Variants in MAP4K5 observed in about 807,000 individuals in gnomAD.
MAP4K5 encodes the protein mitogen-activated protein kinase kinase kinase kinase 5.
MAP4K5 carries 82 observed loss-of-function variants against 135.6 expected under a neutral mutation model. The ratio of observed to expected loss-of-function variants is 0.60; its 90% CI spans 0.51 to 0.73. The LOEUF (loss-of-function observed/expected upper bound fraction) is 0.73. MAP4K5 is among the 30% of genes least tolerant of loss of function. The pLI, the probability that MAP4K5 is intolerant of heterozygous loss-of-function variation, is 0.00. For missense variants in MAP4K5, 907 were observed against 1,010.9 expected (o/e 0.90, Z 1.39); for synonymous variants, 347 against 335.0 (o/e 1.04, Z -0.39).
chr14:50,478,456 T>C (rs1015229666), intron 6 of MAP4K5, among the ~76,000 whole-genome samples: 1 of 152,158 alleles, frequency 6.6e-6, no homozygotes, highest in Admixed American at 6.5e-5. Context: ...CTTTGCATTA[T>C]ATTTGCTCAT....
upstream of MAP4K5, among the ~76,000 whole-genome samples, chr14:50,533,869 A>G (rs2038456960): frequency 6.6e-6 from 1 of 152,234 alleles, no homozygotes; most frequent in Non-Finnish European, 1.5e-5. Flanking sequence ...AGGACAGGGC[A>G]TATATGTATT....
At chr14:50,444,928 T>C in intron 18 of MAP4K5, 113 bp downstream of exon 18, 1 of 1,171,364 alleles carries the variant, frequency 8.5e-7, no homozygotes, top group Non-Finnish European at 1.2e-6. Context: ...AAAAAAGATA[T>C]TTTTTGAAAT....
chr14:50,486,263 CTT>C, intron 3 of MAP4K5, 69 bp from the exon 4 acceptor site: 1 of 596,944 alleles, frequency 1.7e-6, no homozygotes, highest in Non-Finnish European at 2.9e-6. Context: ...GGAAGGAAAA[CTT>C]TACAATAAAT....
intron 5 of MAP4K5, among the ~76,000 whole-genome samples, 155 bp downstream of exon 5, chr14:50,485,423 A>C (rs2037342858): frequency 6.6e-6 from 1 of 152,170 alleles, no homozygotes; most frequent in Admixed American, 6.5e-5. Flanking sequence ...CTAACCAATA[A>C]AAAATAAATA....
At chr14:50,437,407 G>T in intron 26 of MAP4K5, 69 bp downstream of exon 26, 6 of 1,211,738 alleles carry the variant, frequency 5.0e-6, no homozygotes, top group South Asian at 1.4e-5. Context: ...GATTCCATAC[G>T]ACTCTTCAGA....
intron 21 of MAP4K5, among the ~76,000 whole-genome samples, chr14:50,441,528 C>T (rs1011171078): frequency 6.6e-6 from 1 of 151,946 alleles, no homozygotes. Context: ...AAGTTGACAT[C>T]AGAAGTTGAG....
chr14:50,448,244 A>T (rs960536911), intron 15 of MAP4K5, among the ~76,000 whole-genome samples: 12 of 152,138 alleles, frequency 7.9e-5, no homozygotes, highest in African/African-American at 2.7e-4. Flanking sequence ...GGAACTCCTG[A>T]CCTCAGGTGA....
chr14:50,429,553 TGAG>T (rs1362077970), intron 28 of MAP4K5, among the ~76,000 whole-genome samples: 1 of 152,086 alleles, frequency 6.6e-6, no homozygotes, highest in Non-Finnish European at 1.5e-5. Context: ...AGGTAAAATA[TGAG>T]GAGGAAAAGT....
chr14:50,532,247 G>A (rs1299322238), intron 1 of MAP4K5, 89 bp from the exon 2 acceptor site: 12 of 541,098 alleles, frequency 2.2e-5, no homozygotes, highest in Admixed American at 1.1e-4. Flanking sequence ...CTTCCCTTCC[G>A]TCCCGCCAGG....
intron 28 of MAP4K5, among the ~76,000 whole-genome samples, chr14:50,430,861 G>A (rs1264235543): frequency 2.6e-5 from 4 of 152,288 alleles, no homozygotes; most frequent in Middle Eastern, 3.4e-3. Flanking sequence ...TCATGACTGT[G>A]TGAGGGAAAC....
At position 50,476,316 on chromosome 14, in the gene MAP4K5, T is replaced by TTA; in HGVS notation, c.379-11_379-10insTA. 8.9e-7 allele frequency: 1 copy of TTA among 1,120,954 alleles called. No individual in the cohort carries two copies. Among genetic ancestry groups the TTA allele is most frequent in the Non-Finnish European group, 1.2e-6 (1 of 843,234 alleles). The allele number at this position is 1,120,954 out of a possible 1,614,324, so 69.4% of individuals were successfully genotyped here. On this transcript the variant is annotated splice_polypyrimidine_tract_variant and intron_variant, in intron 6 of 32. Transcript: ENST00000682126. The stretch of plus-strand genomic sequence containing the variant: ...GCAAATAGGCAAGACCCTAAAAGTT[T>TTA]AAAAAAAAAAAAAAAGAATGTATCA...
chr14:50,532,168 G>C lies in MAP4K5; in HGVS notation c.-109-10C>G. 1 of 668,680 alleles carries C rather than the reference G, an allele frequency of 1.5e-6. No individual in the cohort carries two copies. Among genetic ancestry groups the C allele is most frequent in the Non-Finnish European group, 2.5e-6 (1 of 394,604 alleles). 41.4% of individuals were successfully genotyped at this position (668,680 alleles called of 1,614,324 possible). Reference sequence around the variant, plus strand: ...CCGCCCGCAGCTCCGTCTGCACGAGGGACGAGCAAAGGCTGGTTGGCGTCG... The same window carrying C: ...CCGCCCGCAGCTCCGTCTGCACGAGCGACGAGCAAAGGCTGGTTGGCGTCG... On this transcript the variant is annotated splice_polypyrimidine_tract_variant and intron_variant, in intron 1 of 32. Coordinates refer to ENST00000682126, the MANE Select transcript of MAP4K5 (RefSeq NM_006575.6).
At chr14:50,556,910 A>G (rs770095266) in intron 1 of MAP4K5, among the ~76,000 whole-genome samples, 37 of 152,228 alleles carry the variant, frequency 2.4e-4, no homozygotes, top group Middle Eastern at 3.4e-3. Context: ...TGGCACTGGG[A>G]TTGTTTCCAC....
At chr14:50,438,961 A>G (rs2036160885) in intron 23 of MAP4K5, among the ~76,000 whole-genome samples, 1 of 152,138 alleles carries the variant, frequency 6.6e-6, no homozygotes. Context: ...AGAAAAGTTT[A>G]TATGATACAA....
chr14:50,428,102 C>G (rs955913509), intron 30 of MAP4K5, among the ~76,000 whole-genome samples: 6 of 152,172 alleles, frequency 3.9e-5, no homozygotes, highest in Non-Finnish European at 1.5e-5. Context: ...TGGTCTGAAC[C>G]TGCACTGTGC....
At chr14:50,539,470 T>G (rs2140143538) in intron 2 of MAP4K5, among the ~76,000 whole-genome samples, 1 of 152,314 alleles carries the variant, frequency 6.6e-6, no homozygotes, top group South Asian at 2.1e-4. Flanking sequence ...AAGGGGAAGA[T>G]ATGGCTGAGG....
Position 50,448,843 on chromosome 14 carries a change from T to C in MAP4K5, c.1016-11A>G, listed in dbSNP as rs771819241. ...ATTGTAATTTGTCAACTGCAAAATA[T>C]ATAACAGGTATGTACAAACTCAGCA... On this transcript the variant is annotated splice_polypyrimidine_tract_variant and intron_variant, in intron 14 of 32. Coordinates refer to ENST00000682126, the MANE Select transcript of MAP4K5 (RefSeq NM_006575.6). 10 of 1,423,044 alleles carry C rather than the reference T, an allele frequency of 7.0e-6. No individual in the cohort carries two copies. In the East Asian group the frequency reaches 2.4e-4, roughly 34 times the overall value. The allele number at this position is 1,423,044 out of a possible 1,614,324, so 88.2% of individuals were successfully genotyped here.
intron 1 of MAP4K5, among the ~76,000 whole-genome samples, chr14:50,543,122 TAC>T (rs2038587298): frequency 6.6e-6 from 1 of 152,248 alleles, no homozygotes. Context: ...TCAGCCTCTT[TAC>T]ACAGTCACTC....
rs1479592606 is a variant in MAP4K5, at chr14:50,423,188, A to G, written c.2398-12T>C. ...ATCTCCTGGGTAACCTAGGAAAGAA[A>G]AATACCTATCAGTAACATCTTACTC... On this transcript the variant is annotated splice_polypyrimidine_tract_variant and intron_variant, in intron 31 of 32. Transcript: ENST00000682126. 2 of 1,398,572 alleles carry G rather than the reference A, an allele frequency of 1.4e-6. No individual in the cohort carries two copies. Among genetic ancestry groups the G allele is most frequent in the Admixed American group, 3.5e-5 (2 of 56,344 alleles). The allele number at this position is 1,398,572 out of a possible 1,614,324, so 86.6% of individuals were successfully genotyped here.
Sources: gnomAD v4.1 joint callset for allele counts (sites outside exome capture counted in the v4.1 genomes callset) on GRCh38, gnomAD v4.1.1 for gene constraint, MANE v1.5 for transcripts, NCBI Gene and HGNC (gene_info 2026-07-23, HGNC 2026-07-21) for gene names.